The following GFOD2 variants were observed in gnomAD, a reference collection of about 807,000 sequenced individuals.
GFOD2 encodes Gfo/Idh/MocA-like oxidoreductase domain containing 2.
A neutral mutation model predicts 24.6 loss-of-function variants in GFOD2; 9 were observed. The ratio of observed to expected loss-of-function variants is 0.37; its 90% CI spans 0.22 to 0.64. The LOEUF (loss-of-function observed/expected upper bound fraction) is 0.64. GFOD2 is among the 30% of genes least tolerant of loss of function. The pLI, the probability that GFOD2 is intolerant of heterozygous loss-of-function variation, is 0.65. For missense variants in GFOD2, 476 were observed against 532.5 expected, an observed-to-expected ratio of 0.89 and a Z score of 1.04; for synonymous variants, 211 against 224.8, an observed-to-expected ratio of 0.94 and a Z score of 0.55.
intron 1 of GFOD2, among the ~76,000 whole-genome samples, chr16:67,691,431 C>T (rs1413152803): frequency 6.6e-6 from 1 of 151,880 alleles, no homozygotes; most frequent in Non-Finnish European, 1.5e-5. Context: ...TGGTCTCGAA[C>T]TCCTGGCCTC....
intron 1 of GFOD2, among the ~76,000 whole-genome samples, chr16:67,695,038 G>A (rs528845862): frequency 2.1e-5 from 3 of 146,256 alleles, no homozygotes; most frequent in African/African-American, 7.6e-5. Context: ...TGTCGCCTAG[G>A]CTGGAGCGTA....
At chr16:67,707,622 A>ATG (rs2053447953) in intron 1 of GFOD2, among the ~76,000 whole-genome samples, 1 of 152,216 alleles carries the variant, frequency 6.6e-6, no homozygotes, top group Non-Finnish European at 1.5e-5. Flanking sequence ...CTAGAAACAA[A>ATG]TGTTCACATC....
rs766991070 is a variant in GFOD2 at position 67,675,922 on chromosome 16, C to A, written c.391G>T (p.Val131Leu). 1 of 1,614,094 alleles carries A rather than the reference C, an allele frequency of 6.2e-7. No homozygotes were observed. Among genetic ancestry groups the A allele is most frequent in the Admixed American group, 1.7e-5 (1 of 60,004 alleles). ...TCCGAAATCAGCTGTTTCATGCGCA[C>A]GAAGGCAGGCAGGAAGCGCAGCACG... ...GNVLRFLPAF[V>L]RMKQLISEHY... Residue 131 changes from valine to leucine, a missense_variant, in exon 3 of 3, where the codon GTG becomes TTG. Physicochemically the swap from Val to Leu is conservative, Grantham distance 32. Coordinates refer to ENST00000268797, the MANE Select transcript of GFOD2 (RefSeq NM_030819.4).
At position 67,675,673 on chromosome 16, in the gene GFOD2, T is replaced by A; in HGVS notation, c.640A>T (p.Ile214Phe). Reference protein sequence around the residue: ...FVRQNAAIRGIRHVTSDDFCF... With the variant: ...FVRQNAAIRGFRHVTSDDFCF... ...AAGTCATCGCTAGTGACGTGCCGGA[T>A]GCCACGGATGGCAGCGTTCTGCCTC... Residue 214 changes from isoleucine to phenylalanine, a missense_variant, in exon 3 of 3, where the codon ATC (isoleucine) becomes TTC (phenylalanine). Transcript: ENST00000268797. The A allele has an allele frequency of 6.2e-7, 1 of 1,613,740 alleles. No individual in the cohort carries two copies. The highest frequency in any genetic ancestry group is 8.5e-7 in the Non-Finnish European group (1 of 1,180,040).
At chr16:67,697,353 A>C (rs968296623) in intron 1 of GFOD2, among the ~76,000 whole-genome samples, 1 of 152,158 alleles carries the variant, frequency 6.6e-6, no homozygotes, top group African/African-American at 2.4e-5. Context: ...TCTTTTTCTG[A>C]AAAAAAGATA....
intron 1 of GFOD2, among the ~76,000 whole-genome samples, chr16:67,705,934 T>C (rs2053435709): frequency 6.9e-6 from 1 of 145,280 alleles, no homozygotes; most frequent in Admixed American, 6.9e-5. Context: ...AGTGAAACTC[T>C]ATCTTTAAAA....
chr16:67,682,437 A>G (rs1470636719), intron 2 of GFOD2: 1 of 985,422 alleles, frequency 1.0e-6, no homozygotes, highest in Non-Finnish European at 1.2e-6. Flanking sequence ...AACTGTGGCA[A>G]AGATGCTAGG....
intron 2 of GFOD2, chr16:67,681,384 A>G: frequency 1.0e-6 from 1 of 985,346 alleles, no homozygotes. Context: ...AGAGGTGAGG[A>G]AAGAGGGAAA....
At chr16:67,679,360 G>A (rs2142992554) in intron 2 of GFOD2, among the ~76,000 whole-genome samples, 1 of 151,362 alleles carries the variant, frequency 6.6e-6, no homozygotes, top group East Asian at 2.0e-4. Context: ...AGCCTCCTGA[G>A]CTAGCTGGGA....
At chr16:67,691,009 T>A (rs1471541109) in intron 1 of GFOD2, among the ~76,000 whole-genome samples, 1 of 152,122 alleles carries the variant, frequency 6.6e-6, no homozygotes, top group Non-Finnish European at 1.5e-5. Context: ...ACTACAGGCA[T>A]GTGTCATCAT....
At chr16:67,703,403 CAAACAAAACA>C (rs571968096) in intron 1 of GFOD2, among the ~76,000 whole-genome samples, 26 of 151,322 alleles carry the variant, frequency 1.7e-4, no homozygotes, top group South Asian at 4.2e-4. Context: ...AACTCTGTCT[CAAACAAAACA>C]AAACAAAACA....
chr16:67,681,419 A>C, intron 2 of GFOD2: 1 of 985,190 alleles, frequency 1.0e-6, no homozygotes, highest in Non-Finnish European at 1.2e-6. Flanking sequence ...AATCTGAAAA[A>C]TAGTCTGTTT....
At chr16:67,698,323 G>A (rs2053373063) in intron 1 of GFOD2, among the ~76,000 whole-genome samples, 2 of 152,038 alleles carry the variant, frequency 1.3e-5, no homozygotes, top group Admixed American at 1.3e-4. Flanking sequence ...CCAGTCCCTG[G>A]GTGCTCCACT....
intron 1 of GFOD2, among the ~76,000 whole-genome samples, chr16:67,693,991 A>G (rs2053336922): frequency 6.6e-6 from 1 of 151,324 alleles, no homozygotes; most frequent in South Asian, 2.1e-4. Context: ...TTTAGGACAT[A>G]CTTTTTTTTT....
intron 1 of GFOD2, among the ~76,000 whole-genome samples, chr16:67,715,797 T>C (rs1165230829): frequency 6.6e-6 from 1 of 151,572 alleles, no homozygotes; most frequent in Non-Finnish European, 1.5e-5. Flanking sequence ...GGATTTGTTC[T>C]AGAATTGGAC....
chr16:67,687,626 G>A (rs1163647969), intron 1 of GFOD2, among the ~76,000 whole-genome samples: 1 of 124,754 alleles, frequency 8.0e-6, no homozygotes, highest in Non-Finnish European at 1.6e-5. Flanking sequence ...GGGCGACAGA[G>A]CAAGACTCCG....
chr16:67,704,051 C>A (rs573304913), intron 1 of GFOD2, among the ~76,000 whole-genome samples: 9 of 152,302 alleles, frequency 5.9e-5, no homozygotes, highest in African/African-American at 1.9e-4. Context: ...GAATAATATT[C>A]CGTCGTGTGT....
chr16:67,714,413 C>T (rs1371465333), intron 1 of GFOD2, among the ~76,000 whole-genome samples: 1 of 143,650 alleles, frequency 7.0e-6, no homozygotes, highest in African/African-American at 2.6e-5. Context: ...CAGAAGTGGA[C>T]ATTGCAGTGA....
rs1214070877 is a variant in GFOD2 at position 67,692,764 on chromosome 16, T to C, written c.-87-6962A>G. ...AAAAAAGGCCGGGCACGGTGGCTCATGCCTGTAATCTCAGCTCTTTGGGAG... is the reference window on the plus strand; with the variant it reads ...AAAAAAGGCCGGGCACGGTGGCTCACGCCTGTAATCTCAGCTCTTTGGGAG... On this transcript the variant is annotated intron_variant, in intron 1 of 2. Coordinates refer to ENST00000268797, the MANE Select transcript of GFOD2 (RefSeq NM_030819.4). Among the ~76,000 whole-genome samples the C allele has an allele frequency of 3.3e-5, 5 of 149,414 alleles. No homozygotes were observed. In the South Asian group the frequency reaches 6.3e-4, roughly 19 times the overall value.
Sources: gnomAD v4.1 joint callset for allele counts (sites outside exome capture counted in the v4.1 genomes callset) on GRCh38, gnomAD v4.1.1 for gene constraint, MANE v1.5 for transcripts, NCBI Gene and HGNC (gene_info 2026-07-23, HGNC 2026-07-21) for gene names.